The following BDP1 variants were observed in gnomAD, a reference collection of about 807,000 sequenced individuals.
BDP1 encodes the protein transcription factor TFIIIB component B'' homolog.
BDP1 carries 169 observed loss-of-function variants against 266.6 expected under a neutral mutation model. The observed-to-expected ratio is 0.63, with a 90% CI of 0.56 to 0.72. The LOEUF is 0.72. Ranked by LOEUF, BDP1 falls within the 30% of genes least tolerant of loss-of-function variation. The pLI is 0.00. For missense variants in BDP1, 3,015 were observed against 3,053.8 expected (o/e 0.99, Z 0.30); for synonymous variants, 1,090 against 1,022.4 (o/e 1.07, Z -1.26).
In BDP1 at chr5:71,544,468, A is replaced by G. The variant is rs752132180; in HGVS notation, c.6524A>G (p.Lys2175Arg). ...AAATTGGCATGTGTACATGGTATCAAAGGGACCAGTATTTCTTCAGAAGTA... is the reference window on the plus strand; with the variant it reads ...AAATTGGCATGTGTACATGGTATCAGAGGGACCAGTATTTCTTCAGAAGTA... Reference protein sequence around the residue: ...QSKLACVHGIKGTSISSEVNL... With the variant: ...QSKLACVHGIRGTSISSEVNL... The change falls in exon 31 of 39, where the codon AAA becomes AGA. Residue 2175 changes from lysine (K) to arginine (R), a missense_variant. This residue lies in a region of BDP1 where 629 missense variants were observed against 632.5 expected (regional missense o/e 0.99). Transcript: ENST00000358731. 1.9e-6 allele frequency: 3 copies of G among 1,613,924 alleles called. No homozygotes were observed. Among genetic ancestry groups the G allele is most frequent in the South Asian group, 2.2e-5 (2 of 90,988 alleles).
At chr5:71,519,282 GAT>G (rs1314499020) in intron 22 of BDP1, among the ~76,000 whole-genome samples, 1 of 135,416 alleles carries the variant, frequency 7.4e-6, no homozygotes, top group African/African-American at 2.5e-5. Flanking sequence ...GAGTAACTGG[GAT>G]ATCCATCACT....
chr5:71,472,596 A>G (rs900251346), intron 7 of BDP1, among the ~76,000 whole-genome samples: 5 of 151,982 alleles, frequency 3.3e-5, no homozygotes, highest in Non-Finnish European at 7.4e-5. Context: ...ATTTTGCTAC[A>G]TTTTCTTGAG....
chr5:71,512,940 T>G (rs935561077), intron 18 of BDP1, among the ~76,000 whole-genome samples: 1 of 151,720 alleles, frequency 6.6e-6, no homozygotes, highest in African/African-American at 2.4e-5. Flanking sequence ...CACATGCCTG[T>G]AGTCCCAGCT....
At chr5:71,489,718 A>G (rs1184889956) in intron 10 of BDP1, 36 bp downstream of exon 10, 2 of 1,535,824 alleles carry the variant, frequency 1.3e-6, no homozygotes, top group African/African-American at 2.8e-5. Flanking sequence ...CCTCTATATT[A>G]CTTGAGAAGA....
In BDP1 at chr5:71,544,472, G is replaced by A. The variant is rs762187777; in HGVS notation, c.6528G>A (p.Gly2176=). 12 of 1,613,338 alleles carry A rather than the reference G, an allele frequency of 7.4e-6. No homozygotes were observed. The African/African-American group carries it at 1.3e-4, about 18-fold the overall frequency. Residue 2176 remains glycine, a synonymous_variant, in exon 31 of 39, where the codon GGG becomes GGA. Transcript: ENST00000358731. ...SKLACVHGIK[G]TSISSEVNLT... ...TGGCATGTGTACATGGTATCAAAGG[G>A]ACCAGTATTTCTTCAGAAGTAAACC...
intron 34 of BDP1, among the ~76,000 whole-genome samples, chr5:71,551,002 G>A (rs977762384): frequency 6.6e-6 from 1 of 152,050 alleles, no homozygotes; most frequent in African/African-American, 2.4e-5. Flanking sequence ...CACTGCGCCT[G>A]GACTAGAAGG....
At chr5:71,514,869 C>G (rs1427879057) in intron 19 of BDP1, 75 bp from the exon 20 acceptor site, 17 of 994,128 alleles carry the variant, frequency 1.7e-5, no homozygotes, top group South Asian at 3.4e-5. Flanking sequence ...AAGATGATAT[C>G]AGTTTATACT....
intron 26 of BDP1, among the ~76,000 whole-genome samples, 187 bp downstream of exon 26, chr5:71,532,614 C>G (rs550660637): frequency 9.9e-5 from 15 of 152,268 alleles, no homozygotes; most frequent in Non-Finnish European, 2.2e-4. Flanking sequence ...GGGCAGAGCT[C>G]TTAATATCCT....
At chr5:71,523,840 T>G in intron 24 of BDP1, 99 bp from the exon 25 acceptor site, 1 of 1,249,408 alleles carries the variant, frequency 8.0e-7, no homozygotes, top group South Asian at 1.7e-5. Flanking sequence ...AATTTTCATT[T>G]TAATGACTGG....
chr5:71,501,673 TAAA>T lies in BDP1; in HGVS notation c.2048+38_2048+40del, dbSNP rs11441119. The stretch of plus-strand genomic sequence containing the variant: ...ATCTGTGTGAGTATTCAGGAAGTAG[TAAA>T]AAAAAAAAAAAAAAAAAGTAACTCT... On this transcript the variant is annotated intron_variant, in intron 14 of 38. Transcript: ENST00000358731. 0.025 allele frequency: 13,382 copies of T among 534,516 alleles called. 5 individuals are homozygous for T. Among genetic ancestry groups the T allele is most frequent in the East Asian group, 0.032 (937 of 29,182 alleles). 33.1% of individuals were successfully genotyped at this position (534,516 alleles called of 1,614,324 possible). A position where few individuals can be genotyped will look rare whatever the true frequency, so the allele number is the denominator to read the frequency against.
chr5:71,496,714 C>G (rs4704049), intron 12 of BDP1, among the ~76,000 whole-genome samples: 1 of 151,954 alleles, frequency 6.6e-6, no homozygotes, highest in East Asian at 1.9e-4. Flanking sequence ...TCCCAAGTAG[C>G]TGGGACTACA....
At chr5:71,577,496 T>C in the BDP1 span, among the ~76,000 whole-genome samples, 31 of 152,344 alleles carry the variant, frequency 2.0e-4, no homozygotes, top group African/African-American at 7.5e-4. Flanking sequence ...AAGCTTGCAA[T>C]TGCAGCAGTA....
At position 71,512,435 on chromosome 5, in the gene BDP1, G is replaced by T; in HGVS notation, c.4247+7G>T. 1 of 1,497,048 alleles carries T rather than the reference G, an allele frequency of 6.7e-7. No homozygotes were observed. 92.7% of individuals were successfully genotyped at this position (1,497,048 alleles called of 1,614,324 possible). On this transcript the variant is annotated splice_region_variant and intron_variant, in intron 18 of 38. Coordinates refer to ENST00000358731, the MANE Select transcript of BDP1 (RefSeq NM_018429.3). ...TTTCAGATATTAATTTAAGGTACAA[G>T]TGTGTTTTTAAAGAAAAAGATATTA...
rs200136581 is a variant in BDP1 at position 71,467,322 on chromosome 5, T to C, written c.786-32T>C. On this transcript the variant is annotated intron_variant, in intron 5 of 38. Transcript: ENST00000358731. ...TTGCTATTTGTTTCCTTGTTTTTAG[T>C]ATACATCTATTTAAAAATGTGTTTA... 57 of 1,528,680 alleles carry C rather than the reference T, an allele frequency of 3.7e-5. 1 individual carries two copies. The South Asian group carries it at 5.9e-4, about 16-fold the overall frequency. 94.7% of individuals were successfully genotyped at this position (1,528,680 alleles called of 1,614,324 possible). A position where few individuals can be genotyped will look rare whatever the true frequency, so the allele number is the denominator to read the frequency against.
chr5:71,555,465 GTTT>G (rs1743149039), intron 35 of BDP1, among the ~76,000 whole-genome samples: 1 of 127,258 alleles, frequency 7.9e-6, no homozygotes, highest in Admixed American at 9.5e-5. Context: ...TTGAGATGGA[GTTT>G]CTCTCCTATT....
chr5:71,524,078 G>C lies in BDP1; in HGVS notation c.5527G>C (p.Gly1843Arg). ...AAAGTTCAAACCAAATGTCACCAGA[G>C]GTCGTGGATCAAAACGAGTTCGGGG... ...HKKFKPNVTR[G>R]RGSKRVRGKT... Residue 1843 changes from glycine (G) to arginine (R), a missense_variant, in exon 25 of 39, where the codon GGT (glycine) becomes CGT (arginine). This residue lies in a region of BDP1 where 2,383 missense variants were observed against 2,404.9 expected (regional missense o/e 0.99). Coordinates refer to ENST00000358731, the MANE Select transcript of BDP1 (RefSeq NM_018429.3). The C allele has an allele frequency of 6.2e-7, 1 of 1,614,218 alleles. No individual in the cohort carries two copies. The highest frequency in any genetic ancestry group is 8.5e-7 in the Non-Finnish European group (1 of 1,180,050).
At chr5:71,511,430 C>T in intron 17 of BDP1, 1 of 318,828 alleles carries the variant, frequency 3.1e-6, no homozygotes, top group Non-Finnish European at 5.6e-6. Flanking sequence ...CCAGCCTGGG[C>T]AACATAGAGA....
At chr5:71,501,433 C>T in intron 13 of BDP1, 129 bp from the exon 14 acceptor site, 1 of 597,798 alleles carries the variant, frequency 1.7e-6, no homozygotes, top group Non-Finnish European at 3.0e-6. Flanking sequence ...CTTGGCCTCC[C>T]AAAGTGCTAG....
At chr5:71,504,815 T>G (rs1229577649) in intron 16 of BDP1, 64 bp downstream of exon 16, 2 of 1,527,966 alleles carry the variant, frequency 1.3e-6, no homozygotes, top group Non-Finnish European at 1.8e-6. Flanking sequence ...ACTCAATCAG[T>G]TTTTTAAAGC....
Sources: allele counts gnomAD v4.1 joint callset (sites outside exome capture counted in the v4.1 genomes callset), GRCh38; gene constraint gnomAD v4.1.1; regional missense constraint gnomAD v4.1.1; transcripts MANE v1.5; gene names NCBI Gene and HGNC (gene_info 2026-07-23, HGNC 2026-07-21).